Variants in PDZRN4 observed in about 807,000 individuals in gnomAD.
PDZRN4 encodes the protein PDZ domain-containing RING finger protein 4.
In PDZRN4, 70 loss-of-function variants were observed where a neutral mutation model predicts 99.0. The ratio of observed to expected loss-of-function variants is 0.71; its 90% CI spans 0.58 to 0.86. PDZRN4 has a LOEUF of 0.86. Among genes scored for constraint, PDZRN4 ranks in the 40% least tolerant of loss-of-function variants. The probability of loss-of-function intolerance (pLI) is 0.00; values close to 1 mark genes in which losing one functional copy is unlikely to be tolerated. For missense variants in PDZRN4, 1,474 were observed against 1,331.2 expected (o/e 1.11, Z -1.67); for synonymous variants, 551 against 501.6 (o/e 1.10, Z -1.32).
chr12:41,211,547 T>TTA (rs1252600696), intron 3 of PDZRN4, among the ~76,000 whole-genome samples: 1 of 151,944 alleles, frequency 6.6e-6, no homozygotes, highest in Non-Finnish European at 1.5e-5. Flanking sequence ...TGATTAGTGT[T>TTA]AGTCACTTAA....
At chr12:41,281,637 A>G (rs533920873) in intron 3 of PDZRN4, among the ~76,000 whole-genome samples, 2 of 152,336 alleles carry the variant, frequency 1.3e-5, no homozygotes, top group Admixed American at 6.5e-5. Flanking sequence ...GATCAACTCA[A>G]TGAAATAAAG....
intron 4 of PDZRN4, among the ~76,000 whole-genome samples, chr12:41,509,062 T>C (rs1351818439): frequency 6.6e-6 from 1 of 152,188 alleles, no homozygotes; most frequent in Non-Finnish European, 1.5e-5. Context: ...ATAACATGTT[T>C]ACAAACTATT....
At chr12:41,227,876 TACACACACACACACACAC>T (rs138441771) in intron 3 of PDZRN4, among the ~76,000 whole-genome samples, 193 of 94,228 alleles carry the variant, frequency 2.0e-3, no homozygotes, top group African/African-American at 6.2e-3. Flanking sequence ...AGCAAAAATC[TACACACACACACACACAC>T]ACACACACAC....
chr12:41,307,741 T>G (rs893531841), intron 3 of PDZRN4, among the ~76,000 whole-genome samples: 1 of 152,186 alleles, frequency 6.6e-6, no homozygotes, highest in Non-Finnish European at 1.5e-5. Context: ...ATATCCACTC[T>G]TGATTACATA....
intron 3 of PDZRN4, among the ~76,000 whole-genome samples, chr12:41,320,129 G>A (rs1301139092): frequency 6.6e-6 from 1 of 152,200 alleles, no homozygotes; most frequent in East Asian, 1.9e-4. Flanking sequence ...CCACCTAGGG[G>A]CTGAGGTAGC....
At chr12:41,190,996 G>A (rs2120631141) in intron 1 of PDZRN4, among the ~76,000 whole-genome samples, 1 of 152,244 alleles carries the variant, frequency 6.6e-6, no homozygotes. Flanking sequence ...TGAATGTTAT[G>A]ACTATAATTT....
intron 3 of PDZRN4, among the ~76,000 whole-genome samples, chr12:41,455,313 A>G (rs1364979898): frequency 1.3e-5 from 2 of 152,226 alleles, no homozygotes; most frequent in African/African-American, 2.4e-5. Flanking sequence ...TCCCTTAGAT[A>G]GCAGCATTTA....
At chr12:41,345,680 C>T (rs1466488281) in intron 3 of PDZRN4, among the ~76,000 whole-genome samples, 4 of 152,074 alleles carry the variant, frequency 2.6e-5, no homozygotes, top group African/African-American at 9.7e-5. Context: ...ATAATTTGAT[C>T]GAGACAGTGT....
chr12:41,526,752 A>G (rs569839893), intron 5 of PDZRN4, among the ~76,000 whole-genome samples: 22 of 152,318 alleles, frequency 1.4e-4, no homozygotes, highest in African/African-American at 5.3e-4. Context: ...TCTAATTCTT[A>G]TGCATACAAA....
chr12:41,555,664 AC>A (rs780066904), intron 6 of PDZRN4, 33 bp from the exon 7 acceptor site: 5 of 1,522,750 alleles, frequency 3.3e-6, no homozygotes, highest in Non-Finnish European at 4.6e-6. Context: ...AATGTTTCAT[AC>A]CCAGTTGAAG....
At chr12:41,459,850 A>G in intron 3 of PDZRN4, 2 of 924,248 alleles carry the variant, frequency 2.2e-6, no homozygotes, top group South Asian at 3.5e-5. Flanking sequence ...TTGGGAAAAA[A>G]TACCCATTAA....
intron 3 of PDZRN4, among the ~76,000 whole-genome samples, chr12:41,221,172 T>C (rs1950953109): frequency 1.3e-5 from 2 of 152,148 alleles, no homozygotes; most frequent in Admixed American, 1.3e-4. Context: ...CCAGGAGAGC[T>C]CTTGGACTGG....
At chr12:41,558,218 C>T (rs766834376) in intron 7 of PDZRN4, among the ~76,000 whole-genome samples, 5 of 152,164 alleles carry the variant, frequency 3.3e-5, no homozygotes, top group Non-Finnish European at 7.4e-5. Flanking sequence ...ACGTTACATC[C>T]AGCATTCATT....
intron 3 of PDZRN4, among the ~76,000 whole-genome samples, chr12:41,306,432 ACAGT>A (rs1429858280): frequency 1.3e-5 from 2 of 152,144 alleles, no homozygotes; most frequent in Non-Finnish European, 2.9e-5. Flanking sequence ...CATGTCCTGT[ACAGT>A]CAAAGAAGTC....
At chr12:41,260,311 A>T (rs1302949058) in intron 3 of PDZRN4, among the ~76,000 whole-genome samples, 1 of 152,132 alleles carries the variant, frequency 6.6e-6, no homozygotes, top group African/African-American at 2.4e-5. Context: ...ACATAACAGC[A>T]GAGATGTGTG....
chr12:41,297,390 C>T (rs754304572), intron 3 of PDZRN4, among the ~76,000 whole-genome samples: 3 of 152,128 alleles, frequency 2.0e-5, no homozygotes, highest in Non-Finnish European at 4.4e-5. Context: ...TAATGTATTT[C>T]AAAGGCCCTA....
intron 3 of PDZRN4, among the ~76,000 whole-genome samples, chr12:41,213,148 C>T (rs1950898621): frequency 6.6e-6 from 1 of 151,692 alleles, no homozygotes; most frequent in Non-Finnish European, 1.5e-5. Context: ...TTTTTTCATT[C>T]CAAGAAAAAT....
At position 41,263,619 on chromosome 12, in the gene PDZRN4, G is replaced by A. The variant is rs566506079; in HGVS notation, c.843+69431G>A. ...GGAAAATCATTTGAACCTGGGAGGC[G>A]GAGGTTGCAGTGAGCCGAGATCCCA... is the stretch of plus-strand genomic sequence containing the variant. On this transcript the variant is annotated intron_variant, in intron 3 of 9. Coordinates refer to ENST00000402685, the MANE Select transcript of PDZRN4 (RefSeq NM_001164595.2). Among the ~76,000 whole-genome samples the A allele has an allele frequency of 1.1e-4, 17 of 151,938 alleles. No individual in the cohort carries two copies. The South Asian group carries it at 1.2e-3, about 11-fold the overall frequency.
At chr12:41,502,616 A>G (rs548214842) in intron 3 of PDZRN4, among the ~76,000 whole-genome samples, 1 of 152,282 alleles carries the variant, frequency 6.6e-6, no homozygotes, top group East Asian at 1.9e-4. Flanking sequence ...CTGGACACCC[A>G]GAAATATTGG....
Sources: allele counts gnomAD v4.1 joint callset (sites outside exome capture counted in the v4.1 genomes callset), GRCh38; gene constraint gnomAD v4.1.1; transcripts MANE v1.5; gene names NCBI Gene and HGNC (gene_info 2026-07-23, HGNC 2026-07-21).